SLC2A1: variants seen among roughly 807,000 people sequenced by gnomAD.
SLC2A1 encodes solute carrier family 2, facilitated glucose transporter member 1.
Under a neutral mutation model 46.6 loss-of-function variants are expected in SLC2A1, and 4 were observed. The ratio of observed to expected loss-of-function variants is 0.09; its 90% CI spans 0.04 to 0.20. The LOEUF (loss-of-function observed/expected upper bound fraction) is 0.20. Among genes scored for constraint, SLC2A1 ranks in the 10% least tolerant of loss-of-function variants. SLC2A1 has a pLI of 1.00. For missense variants in SLC2A1, 352 were observed against 667.0 expected (o/e 0.53, Z 5.20); for synonymous variants, 253 against 270.0 (o/e 0.94, Z 0.62).
rs367864071 is a variant in SLC2A1 at position 42,927,683 on chromosome 1, A to G, written c.1200T>C (p.Arg400=). The G allele has an allele frequency of 6.2e-6, 10 of 1,614,100 alleles. No individual in the cohort carries two copies. The highest frequency in any genetic ancestry group is 2.7e-5 in the African/African-American group (2 of 74,944). ...AGCCTGCAACGGCAATGGCAGCTGG[A>G]CGTGGACCCTGGCTGAAGAGTTCAG... ...IVAELFSQGP[R]PAAIAVAGFS... Residue 400 remains arginine (R), a synonymous_variant, in exon 9 of 10, where the codon CGT becomes CGC. Transcript: ENST00000426263. The surrounding 1 kb of genome is among the most constrained non-coding windows in gnomAD (Gnocchi z 5.3).
chr1:42,956,930 C>A (rs996773667), intron 1 of SLC2A1, among the ~76,000 whole-genome samples: 5 of 152,164 alleles, frequency 3.3e-5, no homozygotes, highest in African/African-American at 1.2e-4. Context: ...GAGCTCCAGG[C>A]TAGTGAGTAA....
Position 42,930,559 on chromosome 1 carries a change from A to C in SLC2A1, c.516+67T>G, listed in dbSNP as rs1269436966. 1 of 1,602,370 alleles carries C rather than the reference A, an allele frequency of 6.2e-7. No individual in the cohort carries two copies. The highest frequency in any genetic ancestry group is 1.7e-5 in the Admixed American group (1 of 59,094). ...AGAGAAACTCTGCCCTGCTGGGCACAGATCCGAGAGCCACTGAAGCTGTGG... is the reference window on the plus strand; with the variant it reads ...AGAGAAACTCTGCCCTGCTGGGCACCGATCCGAGAGCCACTGAAGCTGTGG... On this transcript the variant is annotated intron_variant, in intron 4 of 9. Coordinates refer to ENST00000426263, the MANE Select transcript of SLC2A1 (RefSeq NM_006516.4). This position sits in a 1 kb window ranked among gnomAD's most constrained non-coding sequence, Gnocchi z 6.2.
chr1:42,939,282 T>G (rs778551270), intron 2 of SLC2A1, among the ~76,000 whole-genome samples: 2 of 152,256 alleles, frequency 1.3e-5, no homozygotes, highest in Non-Finnish European at 2.9e-5. Flanking sequence ...GGCTCCTGGT[T>G]GGAAAAACTA....
rs113820503 is a variant in SLC2A1, at chr1:42,934,575, A to T, written c.115-3369T>A. ...TGCTGGAGAATGAGAAGAACCCTACATGGGGAAAAGCTCTGGGGTCACATC... is the reference window on the plus strand; with the variant it reads ...TGCTGGAGAATGAGAAGAACCCTACTTGGGGAAAAGCTCTGGGGTCACATC... On this transcript the variant is annotated intron_variant, in intron 2 of 9. Transcript: ENST00000426263. Among the ~76,000 whole-genome samples, 1,203 of 152,214 alleles carry T rather than the reference A, an allele frequency of 7.9e-3. 18 individuals carry two copies. Among genetic ancestry groups the T allele is most frequent in the African/African-American group, 0.028 (1,146 of 41,546 alleles).
At chr1:42,931,004 C>T (rs767781999) in intron 3 of SLC2A1, 42 bp downstream of exon 3, 5 of 1,612,824 alleles carry the variant, frequency 3.1e-6, no homozygotes, top group Non-Finnish European at 4.2e-6. Flanking sequence ...GGCAGGAGGG[C>T]ATGGGCCCTC....
Position 42,930,950 on chromosome 1 carries a change from G to T in SLC2A1, c.276-84C>A, listed in dbSNP as rs1037455302. ...GGTCAGAGGTAATACCCTGGAACAG[G>T]CAGATAAGTCTCCCCTACCTCCCAC... On this transcript the variant is annotated intron_variant, in intron 3 of 9. Transcript: ENST00000426263. This position sits in a 1 kb window ranked among gnomAD's most constrained non-coding sequence, Gnocchi z 6.2. 9 of 1,606,256 alleles carry T rather than the reference G, an allele frequency of 5.6e-6. No homozygotes were observed. The African/African-American group carries it at 1.2e-4, about 21-fold the overall frequency.
chr1:42,939,856 G>A (rs1397997973), intron 2 of SLC2A1, among the ~76,000 whole-genome samples: 2 of 151,418 alleles, frequency 1.3e-5, no homozygotes, highest in East Asian at 3.9e-4. Flanking sequence ...GGAAAGCTGA[G>A]GCACGAGAAC....
rs867460317 is a variant in SLC2A1 at position 42,926,874 on chromosome 1, C to T, written c.*167G>A. On this transcript the variant is annotated 3_prime_UTR_variant, in exon 10 of 10. Coordinates refer to ENST00000426263, the MANE Select transcript of SLC2A1 (RefSeq NM_006516.4). ...CTTGCTTTTGTTAAAATCCTGGAGCCGTTAAGTCCTGAATATTCTTCTGGA... is the reference window on the plus strand; with the variant it reads ...CTTGCTTTTGTTAAAATCCTGGAGCTGTTAAGTCCTGAATATTCTTCTGGA... 12 of 1,473,746 alleles carry T rather than the reference C, an allele frequency of 8.1e-6. No individual in the cohort carries two copies. Among genetic ancestry groups the T allele is most frequent in the African/African-American group, 1.4e-5 (1 of 70,670 alleles). The allele number at this position is 1,473,746 out of a possible 1,614,324, so 91.3% of individuals were successfully genotyped here.
intron 2 of SLC2A1, among the ~76,000 whole-genome samples, chr1:42,937,854 C>T (rs966496207): frequency 6.6e-6 from 1 of 152,146 alleles, no homozygotes; most frequent in Non-Finnish European, 1.5e-5. Flanking sequence ...CCCAGTTCAG[C>T]CTGACGGGAC....
chr1:42,936,624 G>C (rs1643544915), intron 2 of SLC2A1, among the ~76,000 whole-genome samples: 1 of 152,114 alleles, frequency 6.6e-6, no homozygotes, highest in Non-Finnish European at 1.5e-5. Context: ...GAACAGCCCT[G>C]ACATGGCTAG....
chr1:42,949,375 T>C (rs960948296), intron 1 of SLC2A1, among the ~76,000 whole-genome samples: 2 of 152,230 alleles, frequency 1.3e-5, no homozygotes, highest in African/African-American at 4.8e-5. Context: ...CAGCCTAGCA[T>C]ACAAACAAAA....
chr1:42,934,598 A>T (rs550849124), intron 2 of SLC2A1, among the ~76,000 whole-genome samples: 1 of 152,220 alleles, frequency 6.6e-6, no homozygotes, highest in African/African-American at 2.4e-5. Context: ...CTGGGGTCAC[A>T]TCCTCCCTAG....
At position 42,958,834 on chromosome 1, in the gene SLC2A1, A is replaced by C; in HGVS notation, c.-183T>G. 1 of 582,750 alleles carries C rather than the reference A, an allele frequency of 1.7e-6. No homozygotes were observed. Among genetic ancestry groups the C allele is most frequent in the Non-Finnish European group, 3.0e-6 (1 of 332,340 alleles). 36.1% of individuals were successfully genotyped at this position (582,750 alleles called of 1,614,324 possible). A position where few individuals can be genotyped will look rare whatever the true frequency, so the allele number is the denominator to read the frequency against. On this transcript the variant is annotated 5_prime_UTR_variant, in exon 1 of 10. Coordinates refer to ENST00000426263, the MANE Select transcript of SLC2A1 (RefSeq NM_006516.4). ...CTCACTCGGGGACCCGCGACTAGCG[A>C]CCGGCACGCTCGCTGTTGCTACCTC... is the stretch of plus-strand genomic sequence containing the variant.
At chr1:42,934,110 C>A (rs1395373809) in intron 2 of SLC2A1, among the ~76,000 whole-genome samples, 2 of 152,148 alleles carry the variant, frequency 1.3e-5, no homozygotes, top group African/African-American at 2.4e-5. Flanking sequence ...CCTAAATAAG[C>A]TTGAAGATCT....
chr1:42,942,754 T>C (rs902809074), intron 2 of SLC2A1, among the ~76,000 whole-genome samples: 3 of 151,892 alleles, frequency 2.0e-5, no homozygotes, highest in South Asian at 4.2e-4. Flanking sequence ...CTGGGTGATA[T>C]TGGGCGGGTT....
intron 1 of SLC2A1, chr1:42,951,894 C>T (rs184894780): frequency 5.0e-6 from 2 of 401,248 alleles, no homozygotes; most frequent in Non-Finnish European, 8.8e-6. Flanking sequence ...GGCTGCCCCA[C>T]AGATGTATGA....
At chr1:42,939,607 C>A (rs556775759) in intron 2 of SLC2A1, among the ~76,000 whole-genome samples, 1 of 152,140 alleles carries the variant, frequency 6.6e-6, no homozygotes, top group Admixed American at 6.6e-5. Context: ...TGGGAGGCCC[C>A]GGGGATCACA....
chr1:42,945,808 G>C (rs965996600), intron 1 of SLC2A1, among the ~76,000 whole-genome samples: 1 of 151,978 alleles, frequency 6.6e-6, no homozygotes, highest in East Asian at 1.9e-4. Flanking sequence ...CCCCGGGGGG[G>C]CCTGGGTGAC....
chr1:42,946,991 C>T (rs3768037), intron 1 of SLC2A1, among the ~76,000 whole-genome samples: 2 of 152,028 alleles, frequency 1.3e-5, no homozygotes, highest in African/African-American at 2.4e-5. Context: ...GTTGCTGTTA[C>T]GTTTTCTATC....
Sources: gnomAD v4.1 joint callset for allele counts (sites outside exome capture counted in the v4.1 genomes callset) on GRCh38, gnomAD v4.1.1 for gene constraint, Gnocchi (gnomAD v3.1) non-coding constraint, MANE v1.5 for transcripts, NCBI Gene and HGNC (gene_info 2026-07-23, HGNC 2026-07-21) for gene names.